PSG2: variants seen among roughly 807,000 people sequenced by gnomAD.
PSG2 encodes pregnancy-specific beta-1-glycoprotein 2.
A neutral mutation model predicts 36.2 loss-of-function variants in PSG2; 49 were observed. The observed-to-expected ratio is 1.35, with a 90% CI of 1.08 to 1.72. The LOEUF is 1.72. Among genes scored for constraint, PSG2 ranks in the 40% most tolerant of loss-of-function variants. The probability of loss-of-function intolerance (pLI) is 0.00; values close to 1 mark genes in which losing one functional copy is unlikely to be tolerated. For synonymous variants in PSG2, 261 were observed against 155.6 expected (o/e 1.68, Z -5.04); for missense variants, 605 against 407.2 (o/e 1.49, Z -4.18).
chr19:43,073,546 A>T (rs1024053783), intron 3 of PSG2, among the ~76,000 whole-genome samples: 1 of 151,692 alleles, frequency 6.6e-6, no homozygotes, highest in Non-Finnish European at 1.5e-5. Context: ...TTTGGAGAGA[A>T]GTTTTTCAAA....
chr19:43,074,681 T>A (rs1967865771), intron 3 of PSG2, among the ~76,000 whole-genome samples: 1 of 151,742 alleles, frequency 6.6e-6, no homozygotes, highest in African/African-American at 2.4e-5. Context: ...ATATTGCCAA[T>A]GTTTCAGGGA....
chr19:43,081,070 A>T lies in PSG2; in HGVS notation c.241T>A (p.Ser81Thr). The T allele has an allele frequency of 6.2e-7, 1 of 1,612,798 alleles. No homozygotes were observed. Among genetic ancestry groups the T allele is most frequent in the Middle Eastern group, 1.7e-4 (1 of 6,058 alleles). ...QIRDLYHYIT[S>T]YVVDGQIIIY... ...ATTATTTGACCGTCTACTACATATG[A>T]TGTAATGTAATGGTAGAGGTCCCTG... Residue 81 changes from serine to threonine, a missense_variant, in exon 2 of 6, where the codon TCA (serine) becomes ACA (threonine). Physicochemically the swap from Ser to Thr is moderately conservative, Grantham distance 58 (BLOSUM62 1). Coordinates refer to ENST00000406487, the MANE Select transcript of PSG2 (RefSeq NM_031246.4).
intron 4 of PSG2, among the ~76,000 whole-genome samples, chr19:43,071,257 C>T (rs1300402344): frequency 1.3e-5 from 2 of 151,642 alleles, no homozygotes; most frequent in African/African-American, 4.9e-5. Flanking sequence ...CCTCCCTCAC[C>T]CAAGGGGCTT....
At chr19:43,079,814 A>G (rs1441531118) in intron 2 of PSG2, among the ~76,000 whole-genome samples, 1 of 151,690 alleles carries the variant, frequency 6.6e-6, no homozygotes, top group African/African-American at 2.4e-5. Flanking sequence ...CCAATAAATG[A>G]CATGGGGTCC....
At chr19:43,072,747 A>C in intron 3 of PSG2, 1 of 1,516,560 alleles carries the variant, frequency 6.6e-7, no homozygotes, top group South Asian at 1.3e-5. Context: ...TTGAAAGCCA[A>C]TAACTGGTGT....
At chr19:43,077,366 T>C (rs1222124901) in intron 2 of PSG2, among the ~76,000 whole-genome samples, 4 of 151,832 alleles carry the variant, frequency 2.6e-5, no homozygotes, top group African/African-American at 7.3e-5. Flanking sequence ...ATGTGTGTTA[T>C]GTTAGTAAAT....
At chr19:43,075,321 A>G (rs771306717) in intron 3 of PSG2, 33 bp downstream of exon 3, 1 of 1,613,024 alleles carries the variant, frequency 6.2e-7, no homozygotes, top group Admixed American at 1.7e-5. Flanking sequence ...TTGGGATGGC[A>G]GTCTGGCCCA....
At position 43,071,910 on chromosome 19, in the gene PSG2, G is replaced by A. The variant is rs3207962; in HGVS notation, c.754C>T (p.Arg252Cys). The change falls in exon 4 of 6, where the codon CGT (arginine) becomes TGT (cysteine). Residue 252 changes from arginine (R) to cysteine (C), a missense_variant. Arg to Cys is a radical substitution (Grantham distance 180). Coordinates refer to ENST00000406487, the MANE Select transcript of PSG2 (RefSeq NM_031246.4). ...PRIHPSYTNY[R>C]SGDNLYLSCF... ...GACAAGTAGAGGTTATCTCCTGAAC[G>A]GTAATTGGTGTATGAAGGGTGAATT... 4.3e-6 allele frequency: 7 copies of A among 1,612,660 alleles called. No individual in the cohort carries two copies. The highest frequency in any genetic ancestry group is 1.1e-5 in the South Asian group (1 of 91,022).
At chr19:43,076,685 G>T (rs570258991) in intron 2 of PSG2, among the ~76,000 whole-genome samples, 1 of 151,752 alleles carries the variant, frequency 6.6e-6, no homozygotes, top group South Asian at 2.1e-4. Flanking sequence ...GGGGAATAGG[G>T]CGTTGTTCTG....
intron 2 of PSG2, among the ~76,000 whole-genome samples, chr19:43,078,408 G>A (rs1036825941): frequency 6.6e-6 from 1 of 151,716 alleles, no homozygotes; most frequent in African/African-American, 2.4e-5. Context: ...GACAAAATTT[G>A]TAACTAATTG....
chr19:43,066,658 G>A (rs1568510158), intron 4 of PSG2, 58 bp from the exon 5 acceptor site: 1 of 1,493,642 alleles, frequency 6.7e-7, no homozygotes. Context: ...ACATGGGGGA[G>A]CATCAGGAAC....
intron 3 of PSG2, among the ~76,000 whole-genome samples, chr19:43,075,152 T>C (rs1462349074): frequency 6.6e-6 from 1 of 151,732 alleles, no homozygotes; most frequent in African/African-American, 2.4e-5. Flanking sequence ...GAGTCTCCTA[T>C]GACAGGAGGA....
chr19:43,082,429 C>T (rs1242216483), intron 1 of PSG2, 77 bp downstream of exon 1: 1 of 1,577,454 alleles, frequency 6.3e-7, no homozygotes, highest in Non-Finnish European at 8.7e-7. Flanking sequence ...TTTTTTAGAA[C>T]CCCATCCTCT....
intron 4 of PSG2, among the ~76,000 whole-genome samples, chr19:43,070,426 C>T (rs778225626): frequency 3.3e-5 from 5 of 151,396 alleles, no homozygotes; most frequent in Non-Finnish European, 5.9e-5. Context: ...CTCACACTAG[C>T]GAAAAAATGG....
chr19:43,067,873 C>T (rs1967762895), intron 4 of PSG2, among the ~76,000 whole-genome samples: 1 of 151,360 alleles, frequency 6.6e-6, no homozygotes, highest in South Asian at 2.1e-4. Flanking sequence ...TAACTGTAAA[C>T]TCTTACATTA....
At chr19:43,072,364 G>A in intron 3 of PSG2, 1 of 1,612,542 alleles carries the variant, frequency 6.2e-7, no homozygotes, top group Non-Finnish European at 8.5e-7. Flanking sequence ...GGACATTCAG[G>A]GTGACTGGGT....
chr19:43,070,208 T>G (rs1268054737), intron 4 of PSG2, among the ~76,000 whole-genome samples: 3 of 151,590 alleles, frequency 2.0e-5, no homozygotes, highest in Admixed American at 6.6e-5. Flanking sequence ...AACAGGTGTT[T>G]TCAAGCAGAT....
In PSG2 at chr19:43,067,105, C is replaced by T. The variant is rs372364529; in HGVS notation, c.965-505G>A. Among the ~76,000 whole-genome samples, 113 of 151,542 alleles carry T rather than the reference C, an allele frequency of 7.5e-4. 3 individuals are homozygous for T. The East Asian group carries it at 0.018, about 25-fold the overall frequency. On this transcript the variant is annotated intron_variant, in intron 4 of 5. Coordinates refer to ENST00000406487, the MANE Select transcript of PSG2 (RefSeq NM_031246.4). The stretch of plus-strand genomic sequence containing the variant: ...AAAGCAAGCCTAGTTCTCCGAGGCT[C>T]TCTTTAACTCTAATGGGTGACTGGT...
rs1190445513 is a variant in PSG2 at position 43,075,372 on chromosome 19, C to A, written c.691G>T (p.Val231Phe). The A allele has an allele frequency of 1.2e-6, 2 of 1,613,070 alleles. No homozygotes were observed. The highest frequency in any genetic ancestry group is 1.3e-5 in the African/African-American group (1 of 74,502). The part of the protein sequence containing the change: ...NSGSASRSDP[V>F]TLNLLHGPDL... ...TACTCACGGAGGAGATTCAGGGTGA[C>A]TGGGTCACTGCGGCTGGCACTCCCT... Residue 231 changes from valine (V) to phenylalanine (F), a missense_variant, in exon 3 of 6, where the codon GTC (valine) becomes TTC (phenylalanine). Physicochemically the swap from Val to Phe is conservative, Grantham distance 50. Transcript: ENST00000406487.
Sources: allele counts gnomAD v4.1 joint callset (sites outside exome capture counted in the v4.1 genomes callset), GRCh38; gene constraint gnomAD v4.1.1; transcripts MANE v1.5; gene names NCBI Gene and HGNC (gene_info 2026-07-23, HGNC 2026-07-21).